Variants in TENM2 observed in about 807,000 individuals in gnomAD.
TENM2 encodes teneurin-2.
In TENM2, 52 loss-of-function variants were observed where a neutral mutation model predicts 245.2. The ratio of observed to expected loss-of-function variants is 0.21; its 90% confidence interval spans 0.17 to 0.27. The LOEUF is 0.27. Ranked by LOEUF, TENM2 falls within the 10% of genes least tolerant of loss-of-function variation. The pLI, the probability that TENM2 is intolerant of heterozygous loss-of-function variation, is 1.00. For synonymous variants in TENM2, 1,363 were observed against 1,438.9 expected (o/e 0.95, Z 1.19); for missense variants, 3,046 against 3,666.8 (o/e 0.83, Z 4.37).
At chr5:167,488,178 C>T (rs796225914) in intron 2 of TENM2, among the ~76,000 whole-genome samples, 3 of 152,280 alleles carry the variant, frequency 2.0e-5, no homozygotes, top group African/African-American at 7.2e-5. Flanking sequence ...TAACTGTAAG[C>T]ATAGTGTGTA....
At chr5:168,152,481 A>G (rs1756736842) in intron 12 of TENM2, among the ~76,000 whole-genome samples, 1 of 152,194 alleles carries the variant, frequency 6.6e-6, no homozygotes, top group African/African-American at 2.4e-5. Context: ...CCTCGGTGTT[A>G]TTTGTATTTT....
rs988813498 is a variant in TENM2 at position 167,319,689 on chromosome 5, A to G, written c.226+34626A>G. Among the ~76,000 whole-genome samples the G allele has an allele frequency of 2.6e-5, 4 of 152,368 alleles. No individual in the cohort carries two copies. The East Asian group carries it at 7.7e-4, about 29-fold the overall frequency. ...TCAGGGTGCTAGGTTTTCTCCAATCAGCAGTGATTTCTGCTATGCCATGTG... is the reference window on the plus strand; with the variant it reads ...TCAGGGTGCTAGGTTTTCTCCAATCGGCAGTGATTTCTGCTATGCCATGTG... On this transcript the variant is annotated intron_variant, in intron 1 of 28. Coordinates refer to ENST00000518659, the Ensembl canonical transcript of TENM2.
intron 2 of TENM2, among the ~76,000 whole-genome samples, chr5:167,443,097 A>G (rs1269922867): frequency 6.6e-6 from 1 of 152,220 alleles, no homozygotes; most frequent in East Asian, 1.9e-4. Context: ...ATTTATGTCA[A>G]GAAGGAGATG....
At chr5:168,092,047 A>G (rs909328243) in intron 8 of TENM2, among the ~76,000 whole-genome samples, 4 of 152,146 alleles carry the variant, frequency 2.6e-5, no homozygotes, top group African/African-American at 9.7e-5. Context: ...TATGTCTAGT[A>G]TCGCTCTTTT....
At chr5:167,400,209 A>C (rs1032760784) in intron 2 of TENM2, among the ~76,000 whole-genome samples, 3 of 152,160 alleles carry the variant, frequency 2.0e-5, no homozygotes, top group Admixed American at 2.0e-4. Context: ...AGGAGGAATT[A>C]GAATGCCAAG....
At chr5:168,120,482 A>C (rs1795391305) in intron 10 of TENM2, among the ~76,000 whole-genome samples, 1 of 152,258 alleles carries the variant, frequency 6.6e-6, no homozygotes, top group East Asian at 1.9e-4. Context: ...TGCTAGGGCA[A>C]CAACATTGCC....
chr5:167,558,855 A>G (rs1773414654), intron 2 of TENM2, among the ~76,000 whole-genome samples: 1 of 152,038 alleles, frequency 6.6e-6, no homozygotes, highest in Admixed American at 6.5e-5. Flanking sequence ...CTGGTGCCAA[A>G]AAGGTTGGGG....
intron 12 of TENM2, among the ~76,000 whole-genome samples, chr5:168,147,036 C>G (rs1487225874): frequency 6.6e-6 from 1 of 152,246 alleles, no homozygotes; most frequent in African/African-American, 2.4e-5. Context: ...AAAGAGTACA[C>G]TAAATAATCT....
At chr5:167,480,548 A>G (rs2127527803) in intron 2 of TENM2, among the ~76,000 whole-genome samples, 1 of 152,332 alleles carries the variant, frequency 6.6e-6, no homozygotes, top group South Asian at 2.1e-4. Context: ...CACCAAAGTT[A>G]GTGCTCTTAG....
At chr5:167,304,754 T>G (rs1755566042) in intron 1 of TENM2, among the ~76,000 whole-genome samples, 1 of 152,200 alleles carries the variant, frequency 6.6e-6, no homozygotes, top group Admixed American at 6.5e-5. Flanking sequence ...TGGTTGAATT[T>G]TTTTGTTGCT....
intron 8 of TENM2, among the ~76,000 whole-genome samples, chr5:168,097,284 A>G (rs1304517765): frequency 6.6e-6 from 1 of 152,222 alleles, no homozygotes; most frequent in Non-Finnish European, 1.5e-5. Flanking sequence ...ACATCAGACC[A>G]AATCTTAACT....
chr5:168,248,205 G>A, exon 27 of TENM2: 1 of 1,614,008 alleles, frequency 6.2e-7, no homozygotes, highest in Middle Eastern at 1.6e-4. Flanking sequence ...TGACCAAGCT[G>A]GTCCACTTCA....
intron 2 of TENM2, among the ~76,000 whole-genome samples, chr5:167,551,254 G>A (rs1772920342): frequency 6.6e-6 from 1 of 152,160 alleles, no homozygotes; most frequent in Non-Finnish European, 1.5e-5. Flanking sequence ...TATGTGTCAG[G>A]CCCTTTTCTA....
intron 2 of TENM2, among the ~76,000 whole-genome samples, chr5:167,391,601 G>A (rs1204148780): frequency 7.3e-6 from 1 of 136,690 alleles, no homozygotes; most frequent in African/African-American, 2.8e-5. Context: ...CTCCAGACTG[G>A]GAAACAGAGC....
chr5:167,745,208 A>T (rs1484401104), intron 2 of TENM2, among the ~76,000 whole-genome samples: 2 of 152,248 alleles, frequency 1.3e-5, no homozygotes, highest in Non-Finnish European at 2.9e-5. Context: ...AAAATAGTCC[A>T]GGTGGCTACC....
At chr5:167,695,373 A>G (rs2150416972) in intron 2 of TENM2, among the ~76,000 whole-genome samples, 1 of 152,294 alleles carries the variant, frequency 6.6e-6, no homozygotes, top group Non-Finnish European at 1.5e-5. Context: ...TGAAATTGGA[A>G]TTTCATATAA....
intron 2 of TENM2, among the ~76,000 whole-genome samples, chr5:167,788,238 A>G (rs768489826): frequency 6.6e-6 from 1 of 152,156 alleles, no homozygotes; most frequent in Non-Finnish European, 1.5e-5. Context: ...CCTCCTTCAT[A>G]GGATTTTTTT....
chr5:167,743,466 C>G lies in TENM2; in HGVS notation c.503-132520C>G, dbSNP rs568321154. Among the ~76,000 whole-genome samples the G allele has an allele frequency of 2.0e-5, 3 of 152,150 alleles. No homozygotes were observed. In the South Asian group the frequency reaches 6.2e-4, roughly 32 times the overall value. On this transcript the variant is annotated intron_variant, in intron 2 of 28. Transcript: ENST00000518659. The stretch of plus-strand genomic sequence containing the variant: ...TTAAATGATGTTTAGGGTAACTATT[C>G]GAACCGACAAAAAGGCTTATCAAAC...
chr5:167,388,755 A>G (rs1173928103), intron 2 of TENM2, among the ~76,000 whole-genome samples: 2 of 151,858 alleles, frequency 1.3e-5, no homozygotes, highest in Admixed American at 6.6e-5. Flanking sequence ...TTCATTTTTG[A>G]CCCAATGATC....
Sources: gnomAD v4.1 joint callset for allele counts (sites outside exome capture counted in the v4.1 genomes callset) on GRCh38, gnomAD v4.1.1 for gene constraint, MANE v1.5 for transcripts, NCBI Gene and HGNC (gene_info 2026-07-23, HGNC 2026-07-21) for gene names.